C11orf65: variants seen among roughly 807,000 people sequenced by gnomAD.
C11orf65 encodes the protein chromosome 11 open reading frame 65.
In C11orf65, 38 loss-of-function variants were observed where a neutral mutation model predicts 35.3. That is an observed-to-expected ratio of 1.08 (90% CI 0.83 to 1.41). The LOEUF (loss-of-function observed/expected upper bound fraction) is 1.41. Ranked by LOEUF, C11orf65 falls within the 40% of genes most tolerant of loss-of-function variation. The pLI is 0.00. For missense variants in C11orf65, 370 were observed against 367.1 expected (o/e 1.01, Z -0.06); for synonymous variants, 105 against 114.4 (o/e 0.92, Z 0.53).
intron 6 of C11orf65, among the ~76,000 whole-genome samples, chr11:108,311,036 T>C (rs1343415474): frequency 6.6e-6 from 1 of 152,196 alleles, no homozygotes; most frequent in Non-Finnish European, 1.5e-5. Flanking sequence ...GGTGCGATCA[T>C]AGCTCACTGT....
At chr11:108,379,444 G>C (rs1281059275), downstream of C11orf65, among the ~76,000 whole-genome samples, 2 of 145,612 alleles carry the variant, frequency 1.4e-5, no homozygotes, top group African/African-American at 2.5e-5. Context: ...CATGGACACA[G>C]GAAGGGGAAC....
At chr11:108,396,340 GCCTCCA>G (rs1157108942) in intron 6 of C11orf65, among the ~76,000 whole-genome samples, 1 of 151,670 alleles carries the variant, frequency 6.6e-6, no homozygotes, top group Non-Finnish European at 1.5e-5. Flanking sequence ...TGATCTGCCC[GCCTCCA>G]CCTCCCAAAG....
chr11:108,377,755 C>G (rs2091767234), downstream of C11orf65, among the ~76,000 whole-genome samples: 2 of 151,968 alleles, frequency 1.3e-5, no homozygotes, highest in South Asian at 2.1e-4. Flanking sequence ...CCAAAATCTC[C>G]TTAAGCTGAT....
chr11:108,334,036 T>C, intron 3 of C11orf65: 4 of 1,271,570 alleles, frequency 3.1e-6, no homozygotes, highest in Non-Finnish European at 3.4e-6. Flanking sequence ...CCATTTGAAA[T>C]AGTATTTTTA....
intron 8 of C11orf65, among the ~76,000 whole-genome samples, chr11:108,385,434 G>A (rs1378365280): frequency 6.6e-6 from 1 of 151,932 alleles, no homozygotes; most frequent in Non-Finnish European, 1.5e-5. Context: ...TGTAATCCCA[G>A]CACTTTGGGA....
chr11:108,468,365 T>A (rs767856462), upstream of C11orf65, among the ~76,000 whole-genome samples: 43 of 152,248 alleles, frequency 2.8e-4, no homozygotes, highest in Non-Finnish European at 5.1e-4. Context: ...ACTGCTTATC[T>A]AAAGCAAGTC....
chr11:108,379,654 G>A (rs227078), downstream of C11orf65, among the ~76,000 whole-genome samples: 80,981 of 150,730 alleles, frequency 0.54, 22,251 homozygotes, highest in Middle Eastern at 0.74. Flanking sequence ...AAAAAAAAAA[G>A]GAAAATCCAT....
intron 1 of C11orf65, 96 bp from the exon 2 acceptor site, chr11:108,461,664 G>T: frequency 1.2e-6 from 1 of 823,742 alleles, no homozygotes; most frequent in Non-Finnish European, 1.9e-6. Flanking sequence ...TTCTTGCTCT[G>T]TCACCCAAGC....
intron 3 of C11orf65, among the ~76,000 whole-genome samples, chr11:108,333,247 T>G (rs2086475931): frequency 6.6e-6 from 1 of 152,198 alleles, no homozygotes; most frequent in Non-Finnish European, 1.5e-5. Context: ...ATGTGGTTAC[T>G]AAAACTGCCC....
rs932670554 is a variant in C11orf65, at chr11:108,332,980, A to G, written c.300-1413T>C. Reference sequence around the variant, plus strand: ...AGATATATTAGTTATAGAGCCTAATAAGTAAATCTGCTTAAAATCACAAAC... The same window carrying G: ...AGATATATTAGTTATAGAGCCTAATGAGTAAATCTGCTTAAAATCACAAAC... On this transcript the variant is annotated intron_variant, in intron 3 of 3. Coordinates refer to the C11orf65 transcript ENST00000524755. 7.3e-6 allele frequency: 11 copies of G among 1,514,964 alleles called. No individual in the cohort carries two copies. In the East Asian group the frequency reaches 2.3e-4, roughly 31 times the overall value. The allele number at this position is 1,514,964 out of a possible 1,614,324, so 93.8% of individuals were successfully genotyped here. A position where few individuals can be genotyped will look rare whatever the true frequency, so the allele number is the denominator to read the frequency against.
chr11:108,330,197 T>G, downstream of C11orf65: 1 of 1,610,484 alleles, frequency 6.2e-7, no homozygotes, highest in Non-Finnish European at 8.5e-7. Context: ...TGTTTTACCT[T>G]AATTATTCTA....
chr11:108,331,427 C>CT lies in C11orf65; in HGVS notation c.*122dup, dbSNP rs573494809. On this transcript the variant is annotated 3_prime_UTR_variant, in exon 4 of 4. Coordinates refer to the C11orf65 transcript ENST00000524755. ...AATACCTTGTTTCTTAATTTTGTGT[C>CT]TTTTTTTTAATGGTAGAGAGACGGA... 237 of 1,596,148 alleles carry CT rather than the reference C, an allele frequency of 1.5e-4. No homozygotes were observed. The highest frequency in any genetic ancestry group is 1.3e-3 in the East Asian group (58 of 43,704).
rs529778859 is a variant in C11orf65, at chr11:108,385,312, T to C, written c.787+608A>G. 8.9e-4 allele frequency among the ~76,000 whole-genome samples: 135 copies of C among 152,202 alleles called. 1 individual carries two copies. The highest frequency in any genetic ancestry group is 2.5e-3 in the South Asian group (12 of 4,826). The stretch of plus-strand genomic sequence containing the variant: ...GTCTCGAACTCCTGACCTCAGGTGA[T>C]CCATCTGCCTCAGCCTCCCAAAGTG... On this transcript the variant is annotated intron_variant, in intron 8 of 8. Coordinates refer to ENST00000393084, the MANE Select transcript of C11orf65 (RefSeq NM_152587.5).
chr11:108,357,457 C>A (rs1200862961), intron 2 of C11orf65, among the ~76,000 whole-genome samples: 7 of 152,162 alleles, frequency 4.6e-5, no homozygotes, highest in Non-Finnish European at 7.4e-5. Flanking sequence ...CTCAAGGAGA[C>A]CTGCCTGCCT....
At chr11:108,385,711 A>G (rs1250882843) in intron 8 of C11orf65, among the ~76,000 whole-genome samples, 3 of 152,160 alleles carry the variant, frequency 2.0e-5, no homozygotes, top group African/African-American at 7.2e-5. Context: ...TATTTTTAAA[A>G]TCACTTTATT....
chr11:108,355,180 G>T, intron 2 of C11orf65: 1 of 338,916 alleles, frequency 3.0e-6, no homozygotes, highest in Non-Finnish European at 5.5e-6. Context: ...TTTCAGAATG[G>T]TTTCCATTAG....
intron 3 of C11orf65, among the ~76,000 whole-genome samples, chr11:108,333,544 T>C (rs2086509206): frequency 1.3e-5 from 2 of 152,242 alleles, no homozygotes; most frequent in Admixed American, 1.3e-4. Context: ...TGACATGTCT[T>C]TTAGTTGCAT....
intron 3 of C11orf65, among the ~76,000 whole-genome samples, chr11:108,416,783 T>C (rs184289909): frequency 1.3e-5 from 2 of 152,288 alleles, no homozygotes; most frequent in East Asian, 3.9e-4. Flanking sequence ...TGTGGAGTGG[T>C]AATTCTTTGC....
chr11:108,403,973 G>C (rs1250280278), intron 6 of C11orf65, among the ~76,000 whole-genome samples: 1 of 152,108 alleles, frequency 6.6e-6, no homozygotes, highest in Non-Finnish European at 1.5e-5. Context: ...TTGTTCTTTG[G>C]TGAGCATTCA....
Sources: allele counts gnomAD v4.1 joint callset (sites outside exome capture counted in the v4.1 genomes callset), GRCh38; gene constraint gnomAD v4.1.1; transcripts MANE v1.5; gene names NCBI Gene and HGNC (gene_info 2026-07-23, HGNC 2026-07-21).